The following SPOP variants were observed in gnomAD, a reference collection of about 807,000 sequenced individuals.
SPOP encodes speckle-type POZ protein.
Under a neutral mutation model 45.6 loss-of-function variants are expected in SPOP, and 11 were observed. The observed-to-expected ratio is 0.24, with a 90% CI of 0.15 to 0.40. The LOEUF (loss-of-function observed/expected upper bound fraction) is 0.40. Ranked by LOEUF, SPOP falls within the 10% of genes least tolerant of loss-of-function variation. SPOP has a pLI of 1.00. For missense variants in SPOP, 152 were observed against 465.6 expected (o/e 0.33, Z 6.20); for synonymous variants, 166 against 166.3 (o/e 1.00, Z 0.01).
intron 1 of SPOP, among the ~76,000 whole-genome samples, chr17:49,633,583 G>A (rs1251138146): frequency 6.6e-6 from 1 of 152,154 alleles, no homozygotes; most frequent in African/African-American, 2.4e-5. Context: ...AGGGCAGGGG[G>A]ATCATTCCCT....
intron 1 of SPOP, among the ~76,000 whole-genome samples, chr17:49,653,600 A>T (rs181003431): frequency 4.6e-5 from 7 of 151,976 alleles, no homozygotes; most frequent in Non-Finnish European, 5.9e-5. Flanking sequence ...GTTTATTTTG[A>T]TATTGTCAAA....
intron 1 of SPOP, among the ~76,000 whole-genome samples, chr17:49,629,680 C>A (rs1349456127): frequency 6.6e-6 from 1 of 152,204 alleles, no homozygotes. Flanking sequence ...TAGGCTAGAA[C>A]ACCCTCTGAA....
chr17:49,669,429 T>TAA (rs34977636), intron 1 of SPOP, among the ~76,000 whole-genome samples: 1 of 90,958 alleles, frequency 1.1e-5, no homozygotes, highest in African/African-American at 3.9e-5. Context: ...AAAAATAAAT[T>TAA]AAAAAAAAAA....
At chr17:49,622,152 C>T (rs2072232933) in intron 2 of SPOP, 85 bp from the exon 3 acceptor site, 5 of 1,506,090 alleles carry the variant, frequency 3.3e-6, no homozygotes, top group Middle Eastern at 1.7e-4. Flanking sequence ...CATTTCCCCT[C>T]CCTCCCTCTG....
intron 8 of SPOP, among the ~76,000 whole-genome samples, chr17:49,606,697 G>A (rs1196312159): frequency 2.0e-5 from 3 of 151,704 alleles, no homozygotes; most frequent in East Asian, 1.9e-4. Context: ...GTTTCGCCAC[G>A]TTGCCCAGGC....
chr17:49,676,422 G>A (rs1025911139), intron 1 of SPOP, among the ~76,000 whole-genome samples: 2 of 152,088 alleles, frequency 1.3e-5, no homozygotes, highest in African/African-American at 4.8e-5. Flanking sequence ...ACCCTGTAAG[G>A]GCCAGGGTTA....
chr17:49,603,529 G>C (rs2071778284), intron 8 of SPOP, among the ~76,000 whole-genome samples: 1 of 152,176 alleles, frequency 6.6e-6, no homozygotes, highest in Non-Finnish European at 1.5e-5. Context: ...TGGAAATTGT[G>C]TCTCCCAGGC....
At chr17:49,671,655 T>G (rs1466644742) in intron 1 of SPOP, among the ~76,000 whole-genome samples, 1 of 152,292 alleles carries the variant, frequency 6.6e-6, no homozygotes, top group Middle Eastern at 3.4e-3. Flanking sequence ...ACCATTTCCT[T>G]ACTCAGAAAA....
upstream of SPOP, chr17:49,678,148 G>A: frequency 2.5e-6 from 1 of 393,738 alleles, no homozygotes; most frequent in East Asian, 3.6e-5. Flanking sequence ...ACCCCACCCC[G>A]CGCGGCCTCC....
At chr17:49,650,374 G>A (rs2072826631) in intron 1 of SPOP, among the ~76,000 whole-genome samples, 2 of 152,000 alleles carry the variant, frequency 1.3e-5, no homozygotes, top group South Asian at 4.2e-4. Context: ...GAGGTCAGGA[G>A]TTTGAGACCA....
chr17:49,652,124 C>T (rs1200040232), intron 1 of SPOP, among the ~76,000 whole-genome samples: 3 of 152,006 alleles, frequency 2.0e-5, no homozygotes, highest in East Asian at 1.9e-4. Context: ...TTTTTAAGCA[C>T]GGGTATGATG....
At chr17:49,667,503 C>T (rs933419348) in intron 1 of SPOP, among the ~76,000 whole-genome samples, 1 of 152,052 alleles carries the variant, frequency 6.6e-6, no homozygotes, top group African/African-American at 2.4e-5. Flanking sequence ...GCAGGAGAAT[C>T]GCTTGAACCT....
chr17:49,645,447 G>A (rs532627248), intron 1 of SPOP, among the ~76,000 whole-genome samples: 5 of 151,874 alleles, frequency 3.3e-5, no homozygotes, highest in South Asian at 2.1e-4. Context: ...TTACAGGCAC[G>A]TGCCACCACA....
intron 2 of SPOP, 127 bp from the exon 3 acceptor site, chr17:49,622,194 G>C (rs750188710): frequency 8.0e-7 from 1 of 1,251,368 alleles, no homozygotes; most frequent in South Asian, 1.3e-5. Context: ...GCAGTTTTCA[G>C]GTTTTTCTCA....
At chr17:49,645,701 C>T (rs1020736175) in intron 1 of SPOP, among the ~76,000 whole-genome samples, 1 of 152,142 alleles carries the variant, frequency 6.6e-6, no homozygotes, top group Non-Finnish European at 1.5e-5. Flanking sequence ...CCTCTAAGAA[C>T]CAATCTCTCT....
intron 6 of SPOP, among the ~76,000 whole-genome samples, chr17:49,608,346 A>G (rs1249613085): frequency 2.0e-5 from 3 of 152,168 alleles, no homozygotes; most frequent in Admixed American, 6.5e-5. Flanking sequence ...ACTGCACAGG[A>G]AGAAGGTCAA....
At chr17:49,655,465 C>T (rs576587770) in intron 1 of SPOP, among the ~76,000 whole-genome samples, 11 of 151,750 alleles carry the variant, frequency 7.2e-5, no homozygotes, top group South Asian at 4.2e-4. Context: ...GGGCCGAGAT[C>T]GCGTCACTGC....
intron 1 of SPOP, among the ~76,000 whole-genome samples, chr17:49,670,747 A>G (rs1358496802): frequency 6.6e-6 from 1 of 152,214 alleles, no homozygotes; most frequent in African/African-American, 2.4e-5. Flanking sequence ...AAGCCACAGG[A>G]TTCAGCACTG....
chr17:49,669,253 G>A (rs1208836464), intron 1 of SPOP, among the ~76,000 whole-genome samples: 2 of 150,346 alleles, frequency 1.3e-5, no homozygotes, highest in Non-Finnish European at 3.0e-5. Context: ...TTTTAGTAGA[G>A]ACAGGGTTTC....
Sources: gnomAD v4.1 joint callset for allele counts (sites outside exome capture counted in the v4.1 genomes callset) on GRCh38, gnomAD v4.1.1 for gene constraint, MANE v1.5 for transcripts, NCBI Gene and HGNC (gene_info 2026-07-23, HGNC 2026-07-21) for gene names.